Variants in ST3GAL2 observed in about 807,000 individuals in gnomAD.
ST3GAL2 encodes the protein CMP-N-acetylneuraminate-beta-galactosamide-alpha-2,3-sialyltransferase 2.
Under a neutral mutation model 37.5 loss-of-function variants are expected in ST3GAL2, and 16 were observed. The ratio of observed to expected loss-of-function variants is 0.43; its 90% CI spans 0.29 to 0.65. The LOEUF (loss-of-function observed/expected upper bound fraction) is 0.65, where lower values mean the gene tolerates loss of function less well. Ranked by LOEUF, ST3GAL2 falls within the 30% of genes least tolerant of loss-of-function variation. ST3GAL2 has a pLI of 0.17. For synonymous variants in ST3GAL2, 238 were observed against 202.9 expected (o/e 1.17, Z -1.47); for missense variants, 383 against 487.8 (o/e 0.79, Z 2.02).
intron 1 of ST3GAL2, among the ~76,000 whole-genome samples, chr16:70,424,027 C>T (rs1322887137): frequency 6.6e-6 from 1 of 151,928 alleles, no homozygotes; most frequent in African/African-American, 2.4e-5. Flanking sequence ...CACTGCACTC[C>T]AGCCTGGGTG....
At chr16:70,420,196 TG>T (rs1414053194) in intron 1 of ST3GAL2, among the ~76,000 whole-genome samples, 1 of 151,908 alleles carries the variant, frequency 6.6e-6, no homozygotes, top group Non-Finnish European at 1.5e-5. Context: ...TGGAACCAGG[TG>T]GGGAGACTTC....
At chr16:70,418,002 T>C (rs1175730034) in intron 1 of ST3GAL2, among the ~76,000 whole-genome samples, 2 of 152,208 alleles carry the variant, frequency 1.3e-5, no homozygotes, top group Admixed American at 1.3e-4. Context: ...CTGCTTATGA[T>C]TCTGATCTTG....
At chr16:70,391,053 A>G (rs2047479062) in intron 3 of ST3GAL2, among the ~76,000 whole-genome samples, 1 of 152,162 alleles carries the variant, frequency 6.6e-6, no homozygotes, top group Non-Finnish European at 1.5e-5. Context: ...TAAAACCAGC[A>G]CAAACATTCC....
intron 1 of ST3GAL2, among the ~76,000 whole-genome samples, chr16:70,433,001 A>G (rs1368426400): frequency 2.0e-5 from 3 of 152,244 alleles, no homozygotes; most frequent in Non-Finnish European, 1.5e-5. Flanking sequence ...TCCCAACCTC[A>G]GGAAGCTCAC....
chr16:70,433,914 T>C (rs2151682116), intron 1 of ST3GAL2, among the ~76,000 whole-genome samples: 1 of 152,328 alleles, frequency 6.6e-6, no homozygotes, highest in East Asian at 1.9e-4. Flanking sequence ...TCTTTGTACC[T>C]GTTGGCCTGC....
At chr16:70,387,053 A>C (rs1167720934) in intron 4 of ST3GAL2, among the ~76,000 whole-genome samples, 1 of 152,130 alleles carries the variant, frequency 6.6e-6, no homozygotes, top group African/African-American at 2.4e-5. Flanking sequence ...CAGAAGTTTG[A>C]GACCAGCCTG....
chr16:70,388,432 C>G lies in ST3GAL2; in HGVS notation c.648G>C (p.Leu216=). Residue 216 remains leucine (L), a synonymous_variant, in exon 4 of 7, where the codon CTG becomes CTC. Transcript: ENST00000342907. The stretch of plus-strand genomic sequence containing the variant: ...GAAGGTCCAGGACCTTGAAGGGCAC[C>G]AGCACGAAGCTGACGTTGGCGGGCA... ...KNLPANVSFV[L]VPFKVLDLLW... The G allele has an allele frequency of 6.2e-7, 1 of 1,614,144 alleles. No homozygotes were observed. The highest frequency in any genetic ancestry group is 1.1e-5 in the South Asian group (1 of 91,074).
At chr16:70,401,937 T>C (rs2047558274) in intron 1 of ST3GAL2, among the ~76,000 whole-genome samples, 1 of 137,072 alleles carries the variant, frequency 7.3e-6, no homozygotes, top group Non-Finnish European at 1.5e-5. Context: ...GAGGTTGCAG[T>C]GCGCCAAGAT....
intron 1 of ST3GAL2, among the ~76,000 whole-genome samples, chr16:70,401,630 C>T (rs748932354): frequency 2.6e-5 from 4 of 152,202 alleles, no homozygotes; most frequent in African/African-American, 7.2e-5. Context: ...CTGCCCACCA[C>T]GTCATGGGCT....
intron 1 of ST3GAL2, chr16:70,422,996 G>C (rs1052738234): frequency 6.6e-6 from 1 of 152,232 alleles, no homozygotes; most frequent in African/African-American, 2.4e-5. Context: ...GGAGACAGAG[G>C]GGGAGCACGA....
chr16:70,407,834 A>G (rs1255543484), intron 1 of ST3GAL2, among the ~76,000 whole-genome samples: 1 of 152,256 alleles, frequency 6.6e-6, no homozygotes, highest in Admixed American at 6.5e-5. Flanking sequence ...GACAGCCATC[A>G]ACGACTTAAC....
intron 1 of ST3GAL2, among the ~76,000 whole-genome samples, chr16:70,430,281 G>A (rs2047780762): frequency 6.6e-6 from 1 of 152,258 alleles, no homozygotes; most frequent in African/African-American, 2.4e-5. Context: ...CCTCAGCCAG[G>A]TCTGAAGGGG....
intron 1 of ST3GAL2, among the ~76,000 whole-genome samples, chr16:70,405,366 C>G (rs543780335): frequency 1.3e-5 from 2 of 151,454 alleles, no homozygotes; most frequent in East Asian, 3.9e-4. Context: ...ATGGTGAAAC[C>G]CCATCTCTAC....
intron 1 of ST3GAL2, among the ~76,000 whole-genome samples, chr16:70,426,797 AC>A (rs768502181): frequency 8.5e-5 from 13 of 152,168 alleles, no homozygotes; most frequent in Non-Finnish European, 1.6e-4. Context: ...GGCGTGAGCC[AC>A]CGCGCCTGGC....
chr16:70,379,100 G>C lies in ST3GAL2; in HGVS notation c.*2589C>G, dbSNP rs1161458827. The C allele has an allele frequency of 6.6e-6, 1 of 152,196 alleles. No individual in the cohort carries two copies. Among genetic ancestry groups the C allele is most frequent in the Non-Finnish European group, 1.5e-5 (1 of 68,054 alleles). 9.4% of individuals were successfully genotyped at this position (152,196 alleles called of 1,614,324 possible). A position where few individuals can be genotyped will look rare whatever the true frequency, so the allele number is the denominator to read the frequency against. Reference sequence around the variant, plus strand: ...GTGCCAGAGGGGAAAACCTGACTTAGATGCACTTCCCTGAGAGGTGGGGAC... The same window carrying C: ...GTGCCAGAGGGGAAAACCTGACTTACATGCACTTCCCTGAGAGGTGGGGAC... On this transcript the variant is annotated 3_prime_UTR_variant, in exon 7 of 7. Coordinates refer to ENST00000342907, the MANE Select transcript of ST3GAL2 (RefSeq NM_006927.4).
intron 1 of ST3GAL2, among the ~76,000 whole-genome samples, chr16:70,420,559 G>A (rs1057395863): frequency 1.5e-4 from 23 of 152,180 alleles, no homozygotes; most frequent in African/African-American, 5.1e-4. Flanking sequence ...AGAGCCTGGC[G>A]AAAGGGCCTG....
chr16:70,408,350 C>T (rs939611649), intron 1 of ST3GAL2, among the ~76,000 whole-genome samples: 2 of 152,064 alleles, frequency 1.3e-5, no homozygotes, highest in African/African-American at 4.8e-5. Flanking sequence ...CCAGAACACT[C>T]CCTGCCTCCT....
In ST3GAL2 at chr16:70,403,547, C is replaced by G. The variant is rs566474745; in HGVS notation, c.-1003-4014G>C. On this transcript the variant is annotated intron_variant, in intron 1 of 6. Coordinates refer to ENST00000342907, the MANE Select transcript of ST3GAL2 (RefSeq NM_006927.4). ...AAAGTAAAAACGTTGGGCATGAAGG[C>G]TCATGCCTGTAATCCCAACACTTTG... Among the ~76,000 whole-genome samples, 14 of 152,290 alleles carry G rather than the reference C, an allele frequency of 9.2e-5. No individual in the cohort carries two copies. The South Asian group carries it at 2.9e-3, about 32-fold the overall frequency.
At chr16:70,383,588 T>G (rs879679863) in intron 4 of ST3GAL2, among the ~76,000 whole-genome samples, 7,767 of 69,312 alleles carry the variant, frequency 0.11, no homozygotes, top group African/African-American at 0.14. Flanking sequence ...AGGAGAGGGG[T>G]GGGGAGGGGA....
Sources: gnomAD v4.1 joint callset for allele counts (sites outside exome capture counted in the v4.1 genomes callset) on GRCh38, gnomAD v4.1.1 for gene constraint, MANE v1.5 for transcripts, NCBI Gene and HGNC (gene_info 2026-07-23, HGNC 2026-07-21) for gene names.